RGL1: variants seen among roughly 807,000 people sequenced by gnomAD.
The protein encoded by RGL1 is ral guanine nucleotide dissociation stimulator like 1, also known as ral guanine nucleotide dissociation stimulator-like 1.
Under a neutral mutation model 95.2 loss-of-function variants are expected in RGL1, and 24 were observed. The observed-to-expected ratio is 0.25, with a 90% CI of 0.18 to 0.35. RGL1 has a LOEUF of 0.35. Ranked by LOEUF, RGL1 falls within the 10% of genes least tolerant of loss-of-function variation. The pLI is 1.00. For missense variants in RGL1, 715 were observed against 936.3 expected, an observed-to-expected ratio of 0.76 and a Z score of 3.08; for synonymous variants, 329 against 344.9, an observed-to-expected ratio of 0.95 and a Z score of 0.51.
chr1:183,678,083 G>T lies in RGL1; in HGVS notation c.-33+41582G>T, dbSNP rs910196707. 3.3e-5 allele frequency among the ~76,000 whole-genome samples: 5 copies of T among 152,274 alleles called. No individual in the cohort carries two copies. In the East Asian group the frequency reaches 9.6e-4, roughly 29 times the overall value. On this transcript the variant is annotated intron_variant, in intron 1 of 18. Coordinates refer to the RGL1 transcript ENST00000304685. ...AACTATTAAAGCAGATGTGGATGAG[G>T]TGGAACTTTGGGGGTTGGAGGATTA...
intron 1 of RGL1, among the ~76,000 whole-genome samples, chr1:183,704,482 A>G (rs1457278582): frequency 6.6e-6 from 1 of 152,202 alleles, no homozygotes; most frequent in East Asian, 1.9e-4. Context: ...GGGTGACACT[A>G]TAAAATAGCC....
At chr1:183,700,407 G>T (rs1170876491) in intron 1 of RGL1, among the ~76,000 whole-genome samples, 1 of 150,568 alleles carries the variant, frequency 6.6e-6, no homozygotes, top group Non-Finnish European at 1.5e-5. Context: ...CAGAAAAATG[G>T]ACAGAAAGCA....
At chr1:183,887,144 T>C (rs1463378782) in intron 7 of RGL1, among the ~76,000 whole-genome samples, 2 of 28,874 alleles carry the variant, frequency 6.9e-5, no homozygotes, top group Non-Finnish European at 1.5e-4. Context: ...ATTTCTCTTG[T>C]TCTCTCTCTC....
chr1:183,761,378 G>A (rs1658657716), intron 2 of RGL1, among the ~76,000 whole-genome samples: 1 of 152,206 alleles, frequency 6.6e-6, no homozygotes, highest in Admixed American at 6.5e-5. Context: ...CAATCTCCTT[G>A]CACATCTCTG....
chr1:183,766,339 C>CT (rs142084765), intron 2 of RGL1, among the ~76,000 whole-genome samples: 3,937 of 146,508 alleles, frequency 0.027, 167 homozygotes, highest in African/African-American at 0.089. Context: ...GAATGTCTCA[C>CT]TTTTTTTTTT....
At chr1:183,835,796 C>CGAA (rs1312778498) in intron 2 of RGL1, among the ~76,000 whole-genome samples, 1 of 152,162 alleles carries the variant, frequency 6.6e-6, no homozygotes, top group Non-Finnish European at 1.5e-5. Flanking sequence ...AGCTTGTAAT[C>CGAA]TTTCAACATG....
At chr1:183,660,187 G>C (rs527282796) in intron 1 of RGL1, among the ~76,000 whole-genome samples, 1 of 152,214 alleles carries the variant, frequency 6.6e-6, no homozygotes, top group South Asian at 2.1e-4. Flanking sequence ...ATAATGACAG[G>C]ATCAAATTCA....
At chr1:183,905,577 G>A (rs1473833689) in intron 13 of RGL1, among the ~76,000 whole-genome samples, 3 of 152,206 alleles carry the variant, frequency 2.0e-5, no homozygotes, top group Non-Finnish European at 4.4e-5. Context: ...ACAAGCAAAA[G>A]CTTGGTGGCC....
chr1:183,668,422 T>G (rs1652194005), intron 1 of RGL1, among the ~76,000 whole-genome samples: 1 of 149,092 alleles, frequency 6.7e-6, no homozygotes, highest in Non-Finnish European at 1.5e-5. Flanking sequence ...AATTTTTATC[T>G]TTACTTCTGT....
chr1:183,655,628 G>T (rs1572230881), intron 1 of RGL1, among the ~76,000 whole-genome samples: 1 of 152,182 alleles, frequency 6.6e-6, no homozygotes, highest in Non-Finnish European at 1.5e-5. Context: ...GCAGAGGGTG[G>T]ATCTTCGAGC....
At chr1:183,683,295 C>T (rs1230451259) in intron 1 of RGL1, among the ~76,000 whole-genome samples, 1 of 152,112 alleles carries the variant, frequency 6.6e-6, no homozygotes, top group African/African-American at 2.4e-5. Flanking sequence ...TATGTTTTTG[C>T]AGTGGGAGGT....
In RGL1 at chr1:183,771,268, C is replaced by T. The variant is rs114451325; in HGVS notation, c.132+28979C>T. 4.4e-3 allele frequency among the ~76,000 whole-genome samples: 663 copies of T among 149,814 alleles called. 2 individuals are homozygous for T. Among genetic ancestry groups the T allele is most frequent in the Non-Finnish European group, 6.2e-3 (419 of 67,660 alleles). On this transcript the variant is annotated intron_variant, in intron 2 of 18. Transcript: ENST00000304685. ...TTTCTTTACATTTTAGTGTAGAGAG[C>T]TAAGGAAACTCCAGTGGAATTTAGT...
chr1:183,801,236 A>C (rs896472105), upstream of RGL1, among the ~76,000 whole-genome samples: 8 of 150,714 alleles, frequency 5.3e-5, no homozygotes, highest in African/African-American at 1.5e-4. Context: ...TTTGGTGTGC[A>C]TTTTCCTGAT....
chr1:183,899,697 T>C (rs1667905409), intron 10 of RGL1, among the ~76,000 whole-genome samples: 1 of 152,188 alleles, frequency 6.6e-6, no homozygotes, highest in Admixed American at 6.5e-5. Context: ...TATTTGAGAG[T>C]TAGTCACCAA....
At chr1:183,805,388 T>G in intron 1 of RGL1, 64 bp downstream of exon 1, 1 of 1,476,488 alleles carries the variant, frequency 6.8e-7, no homozygotes, top group South Asian at 1.2e-5. Flanking sequence ...CCGCTTTCGC[T>G]GGGCGTGTTT....
chr1:183,866,080 C>T lies in RGL1; in HGVS notation c.425+7C>T. 6.2e-7 allele frequency: 1 copy of T among 1,604,838 alleles called. No homozygotes were observed. The highest frequency in any genetic ancestry group is 8.5e-7 in the Non-Finnish European group (1 of 1,171,636). ...CCAAAATGGTGATCAGGAAGTGAGT[C>T]TCCCTTTTCTTTGCATTCTAAGCTC... On this transcript the variant is annotated splice_region_variant and intron_variant, in intron 4 of 17. Transcript: ENST00000360851.
chr1:183,709,600 T>C, intron 1 of RGL1: 1 of 191,916 alleles, frequency 5.2e-6, no homozygotes, highest in Non-Finnish European at 1.1e-5. Flanking sequence ...TGCAAATGGA[T>C]TGTGTTTAAT....
chr1:183,924,730 A>G (rs1267186688), intron 17 of RGL1, among the ~76,000 whole-genome samples: 1 of 151,638 alleles, frequency 6.6e-6, no homozygotes, highest in Non-Finnish European at 1.5e-5. Context: ...AGATCATCTG[A>G]CGTCAGGAGT....
chr1:183,835,902 GAT>G (rs1208769925), intron 2 of RGL1, among the ~76,000 whole-genome samples: 1 of 152,200 alleles, frequency 6.6e-6, no homozygotes, highest in African/African-American at 2.4e-5. Context: ...TGGGTGTACA[GAT>G]ATGGAGATTG....
Sources: gnomAD v4.1 joint callset for allele counts (sites outside exome capture counted in the v4.1 genomes callset) on GRCh38, gnomAD v4.1.1 for gene constraint, MANE v1.5 for transcripts, NCBI Gene and HGNC (gene_info 2026-07-23, HGNC 2026-07-21) for gene names.